Variants in KCNIP2 observed in about 807,000 individuals in gnomAD.
KCNIP2 encodes potassium voltage-gated channel interacting protein 2.
In KCNIP2, 19 loss-of-function variants were observed where a neutral mutation model predicts 39.0. The ratio of observed to expected loss-of-function variants is 0.49; its 90% CI spans 0.34 to 0.71. KCNIP2 has a LOEUF of 0.71. Among genes scored for constraint, KCNIP2 ranks in the 30% least tolerant of loss-of-function variants. The pLI, the probability that KCNIP2 is intolerant of heterozygous loss-of-function variation, is 0.01. For synonymous variants in KCNIP2, 111 were observed against 131.2 expected (o/e 0.85, Z 1.05); for missense variants, 261 against 346.0 (o/e 0.75, Z 1.95).
intron 1 of KCNIP2, among the ~76,000 whole-genome samples, chr10:101,835,729 T>C (rs2066133645): frequency 6.6e-6 from 1 of 152,104 alleles, no homozygotes; most frequent in Admixed American, 6.5e-5. Context: ...CTAGGGCCTC[T>C]GGGTTAGTAA....
intron 1 of KCNIP2, among the ~76,000 whole-genome samples, chr10:101,839,420 T>G (rs998890834): frequency 1.3e-5 from 2 of 152,108 alleles, no homozygotes; most frequent in Admixed American, 6.5e-5. Context: ...GCTGCAGGCC[T>G]CCTCCTTTCA....
Position 101,839,618 on chromosome 10 carries a change from A to T in KCNIP2, c.73+3878T>A, listed in dbSNP as rs182365201. On this transcript the variant is annotated intron_variant, in intron 1 of 9. Transcript: ENST00000356640. ...GCTTCTGTCCAGGATCTCGTCTTGGAAGCCCTTTCCTTGGAGGGATGTTGC... is the reference window on the plus strand; with the variant it reads ...GCTTCTGTCCAGGATCTCGTCTTGGTAGCCCTTTCCTTGGAGGGATGTTGC... 3.8e-3 allele frequency: 3,057 copies of T among 800,008 alleles called. 86 individuals carry two copies. The Admixed American group carries it at 0.049, about 13-fold the overall frequency. The allele number at this position is 800,008 out of a possible 1,614,324, so 49.6% of individuals were successfully genotyped here.
chr10:101,839,961 A>C, intron 1 of KCNIP2: 1 of 856,426 alleles, frequency 1.2e-6, no homozygotes, highest in African/African-American at 1.9e-5. Context: ...CAGGCATAGG[A>C]TCGAAACCCT....
intron 1 of KCNIP2, chr10:101,839,821 C>A: frequency 6.2e-7 from 1 of 1,610,122 alleles, no homozygotes; most frequent in Non-Finnish European, 8.5e-7. Flanking sequence ...GCTCCGGCAC[C>A]TGCGGGGGCA....
chr10:101,834,622 T>C (rs921759879), intron 1 of KCNIP2, among the ~76,000 whole-genome samples: 2 of 152,198 alleles, frequency 1.3e-5, no homozygotes, highest in Admixed American at 1.3e-4. Context: ...TTGGGAACTT[T>C]TGGCCAAGAT....
chr10:101,839,169 GATGCACAACTTAGTA>G (rs2066246590), intron 1 of KCNIP2, among the ~76,000 whole-genome samples: 2 of 152,282 alleles, frequency 1.3e-5, no homozygotes, highest in East Asian at 3.9e-4. Context: ...ATAGCCCAGT[GATGCACAACTTAGTA>G]ATGCACAATC....
intron 3 of KCNIP2, chr10:101,829,606 CGCCCAAA>C: frequency 5.0e-6 from 1 of 201,108 alleles, no homozygotes; most frequent in Non-Finnish European, 1.0e-5. Flanking sequence ...AGCCTTGCCC[CGCCCAAA>C]CCCTCCCCTC....
At chr10:101,840,560 C>A (rs561829062) in intron 1 of KCNIP2, among the ~76,000 whole-genome samples, 3,070 of 130,500 alleles carry the variant, frequency 0.024, 32 homozygotes, top group Non-Finnish European at 0.032. Flanking sequence ...ACCCCCCCCC[C>A]ACTTCGGTCC....
chr10:101,837,680 T>C (rs2066205755), intron 1 of KCNIP2, among the ~76,000 whole-genome samples: 2 of 152,030 alleles, frequency 1.3e-5, no homozygotes, highest in Admixed American at 6.5e-5. Flanking sequence ...ATAATAATAA[T>C]GATAATAATA....
At chr10:101,827,507 C>A in intron 9 of KCNIP2, 107 bp from the exon 10 acceptor site, 1 of 1,373,572 alleles carries the variant, frequency 7.3e-7, no homozygotes, top group African/African-American at 1.4e-5. Context: ...TTCAAAAGCA[C>A]AGAGGAAGGA....
intron 8 of KCNIP2, 42 bp from the exon 9 acceptor site, chr10:101,827,793 A>C: frequency 6.4e-7 from 1 of 1,558,710 alleles, no homozygotes; most frequent in Non-Finnish European, 8.9e-7. Flanking sequence ...GAGGGATGGC[A>C]AGAGAGAGGC....
chr10:101,832,487 T>C (rs2066029392), intron 1 of KCNIP2, among the ~76,000 whole-genome samples: 1 of 151,922 alleles, frequency 6.6e-6, no homozygotes. Flanking sequence ...TACCCCACCC[T>C]CCCAATCCAG....
At chr10:101,841,292 C>A (rs1178922824) in intron 1 of KCNIP2, among the ~76,000 whole-genome samples, 1 of 152,238 alleles carries the variant, frequency 6.6e-6, no homozygotes, top group Non-Finnish European at 1.5e-5. Flanking sequence ...GGAATCCCAA[C>A]TGCAGGGAAG....
chr10:101,827,206 G>T lies in KCNIP2; in HGVS notation c.*147C>A. 4 of 1,366,074 alleles carry T rather than the reference G, an allele frequency of 2.9e-6. No individual in the cohort carries two copies. Among genetic ancestry groups the T allele is most frequent in the Admixed American group, 2.5e-5 (1 of 39,616 alleles). The allele number at this position is 1,366,074 out of a possible 1,614,324, so 84.6% of individuals were successfully genotyped here. On this transcript the variant is annotated 3_prime_UTR_variant, in exon 10 of 10. Coordinates refer to ENST00000356640, the MANE Select transcript of KCNIP2 (RefSeq NM_173191.3). ...TGGCCCCTTCAGCTCCAGAGATCTG[G>T]ACTACTGAATCCCCAAGCTCTTGGA... is the stretch of plus-strand genomic sequence containing the variant.
intron 2 of KCNIP2, 51 bp from the exon 3 acceptor site, chr10:101,829,948 GAC>G: frequency 6.5e-7 from 1 of 1,537,252 alleles, no homozygotes; most frequent in Non-Finnish European, 8.8e-7. Flanking sequence ...GCCAACTGCA[GAC>G]ACACACCTGG....
At chr10:101,839,831 A>T in intron 1 of KCNIP2, 2 of 1,609,108 alleles carry the variant, frequency 1.2e-6, no homozygotes, top group Non-Finnish European at 1.7e-6. Context: ...CTGCGGGGGC[A>T]TCGGTTCATG....
intron 9 of KCNIP2, 134 bp downstream of exon 9, chr10:101,827,555 C>T (rs2065782921): frequency 7.6e-7 from 1 of 1,309,248 alleles, no homozygotes. Context: ...AGGGGTAAGC[C>T]TCCCACAAAG....
chr10:101,826,627 A>G lies in KCNIP2; in HGVS notation c.*726T>C, dbSNP rs1239668871. 1 of 152,350 alleles carries G rather than the reference A, an allele frequency of 6.6e-6. No homozygotes were observed. The highest frequency in any genetic ancestry group is 1.5e-5 in the Non-Finnish European group (1 of 68,060). 9.4% of individuals were successfully genotyped at this position (152,350 alleles called of 1,614,324 possible). On this transcript the variant is annotated 3_prime_UTR_variant, in exon 10 of 10. Coordinates refer to ENST00000356640, the MANE Select transcript of KCNIP2 (RefSeq NM_173191.3). ...AGGAGAGGAAGCAATGCCAGAGATG[A>G]GCCAGATATCTGGCCCCAGGCTCTC...
intron 1 of KCNIP2, among the ~76,000 whole-genome samples, chr10:101,836,705 G>A (rs573460439): frequency 6.6e-6 from 1 of 150,840 alleles, no homozygotes; most frequent in African/African-American, 2.4e-5. Flanking sequence ...GCTCATGCCT[G>A]TAATCCCAGC....
Sources: gnomAD v4.1 joint callset for allele counts (sites outside exome capture counted in the v4.1 genomes callset) on GRCh38, gnomAD v4.1.1 for gene constraint, MANE v1.5 for transcripts, NCBI Gene and HGNC (gene_info 2026-07-23, HGNC 2026-07-21) for gene names.